MORN5: variants seen among roughly 807,000 people sequenced by gnomAD.
The protein encoded by MORN5 is MORN repeat-containing protein 5.
In MORN5, 21 loss-of-function variants were observed where a neutral mutation model predicts 22.1. The observed-to-expected ratio is 0.95, with a 90% confidence interval of 0.67 to 1.37. The LOEUF is 1.37. Ranked by LOEUF, MORN5 falls within the 40% of genes most tolerant of loss-of-function variation. The probability of loss-of-function intolerance (pLI) is 0.00; values close to 1 mark genes in which losing one functional copy is unlikely to be tolerated. For synonymous variants in MORN5, 73 were observed against 74.0 expected, an observed-to-expected ratio of 0.99 and a Z score of 0.07; for missense variants, 211 against 215.1, an observed-to-expected ratio of 0.98 and a Z score of 0.12.
intron 3 of MORN5, among the ~76,000 whole-genome samples, chr9:122,173,178 TCTC>T (rs1307116880): frequency 2.6e-5 from 4 of 152,056 alleles, no homozygotes; most frequent in African/African-American, 9.7e-5. Context: ...CTCCCCTACT[TCTC>T]CTGTGACCCT....
At chr9:122,199,539 G>A (rs575915970) in intron 4 of MORN5, among the ~76,000 whole-genome samples, 3 of 152,300 alleles carry the variant, frequency 2.0e-5, no homozygotes, top group African/African-American at 7.2e-5. Context: ...TAGACCCACT[G>A]TCCTGGGGCT....
Position 122,174,831 on chromosome 9 carries a change from A to AT in MORN5, c.439+206dup, listed in dbSNP as rs568423714. ...TAGTCCTAGAGTGAGGTAAAAGCAC[A>AT]TTCGTGGTCTAGCAGTGACGGCACA... On this transcript the variant is annotated intron_variant, in intron 4 of 4. Coordinates refer to ENST00000373764, the MANE Select transcript of MORN5 (RefSeq NM_198469.4). 298 of 1,405,990 alleles carry AT rather than the reference A, an allele frequency of 2.1e-4. No individual in the cohort carries two copies. In the East Asian group the frequency reaches 7.2e-3, roughly 34 times the overall value. 87.1% of individuals were successfully genotyped at this position (1,405,990 alleles called of 1,614,324 possible).
intron 4 of MORN5, among the ~76,000 whole-genome samples, chr9:122,192,129 A>G (rs1829782489): frequency 6.6e-6 from 1 of 152,210 alleles, no homozygotes; most frequent in South Asian, 2.1e-4. Flanking sequence ...AAAATCACCC[A>G]GCGAGTCGGT....
chr9:122,177,959 T>G (rs7032950), intron 4 of MORN5, among the ~76,000 whole-genome samples: 9,088 of 152,334 alleles, frequency 0.06, 468 homozygotes, highest in African/African-American at 0.13. Flanking sequence ...AGGTTATTCC[T>G]TGGCAGTTCT....
chr9:122,187,584 G>A (rs148118248), intron 4 of MORN5, among the ~76,000 whole-genome samples: 32 of 152,342 alleles, frequency 2.1e-4, no homozygotes, highest in Middle Eastern at 3.4e-3. Context: ...TGGGGTGGGT[G>A]TTCTCTGGAT....
At chr9:122,172,737 T>TAC (rs1460057680) in intron 3 of MORN5, among the ~76,000 whole-genome samples, 2 of 152,192 alleles carry the variant, frequency 1.3e-5, no homozygotes, top group Non-Finnish European at 2.9e-5. Context: ...TTGTCTGGCA[T>TAC]ACAGTGGGTA....
intron 1 of MORN5, chr9:122,164,635 T>C: frequency 1.0e-6 from 1 of 985,506 alleles, no homozygotes; most frequent in Non-Finnish European, 1.2e-6. Flanking sequence ...TGAACAGTGA[T>C]GTCCAGTTCA....
chr9:122,196,994 T>C (rs2118792153), intron 4 of MORN5, among the ~76,000 whole-genome samples: 1 of 152,356 alleles, frequency 6.6e-6, no homozygotes, highest in Non-Finnish European at 1.5e-5. Flanking sequence ...TAATTATTTG[T>C]TAAATGAATG....
chr9:122,163,945 G>A (rs575649983), intron 1 of MORN5, among the ~76,000 whole-genome samples: 1 of 152,106 alleles, frequency 6.6e-6, no homozygotes. Flanking sequence ...GTGCAGTGGT[G>A]CAGTCTTGGC....
intron 1 of MORN5, among the ~76,000 whole-genome samples, chr9:122,161,006 A>G (rs1829189374): frequency 1.3e-5 from 2 of 152,260 alleles, no homozygotes; most frequent in African/African-American, 4.8e-5. Context: ...GATAACTGCG[A>G]TTCAGTGTGG....
chr9:122,165,725 GC>G (rs1252138617), intron 1 of MORN5, among the ~76,000 whole-genome samples: 1 of 152,134 alleles, frequency 6.6e-6, no homozygotes, highest in East Asian at 1.9e-4. Flanking sequence ...TAGACTGTGA[GC>G]CCCCCGAGGA....
At chr9:122,184,157 C>A (rs1445868916) in intron 4 of MORN5, among the ~76,000 whole-genome samples, 4 of 152,172 alleles carry the variant, frequency 2.6e-5, no homozygotes, top group Non-Finnish European at 5.9e-5. Flanking sequence ...CCCTGTTTGA[C>A]AATGAGGAAA....
intron 3 of MORN5, among the ~76,000 whole-genome samples, chr9:122,171,163 T>G (rs909581890): frequency 6.6e-6 from 1 of 152,010 alleles, no homozygotes; most frequent in Non-Finnish European, 1.5e-5. Context: ...TGGGTTTGAG[T>G]CCTAGCATTC....
chr9:122,164,761 A>C, intron 1 of MORN5: 12 of 258,186 alleles, frequency 4.6e-5, no homozygotes, highest in Non-Finnish European at 7.3e-5. Flanking sequence ...GGGAAGGAGA[A>C]GAGGAATTCT....
chr9:122,175,314 G>C (rs1829434104), intron 4 of MORN5: 2 of 250,674 alleles, frequency 8.0e-6, no homozygotes, highest in South Asian at 3.0e-4. Context: ...GATCCCTTGA[G>C]GTGCAAGAAG....
At chr9:122,160,596 CTCTT>C (rs1302454055) in intron 1 of MORN5, among the ~76,000 whole-genome samples, 6 of 149,144 alleles carry the variant, frequency 4.0e-5, no homozygotes, top group African/African-American at 9.9e-5. Flanking sequence ...CTACCTTCCT[CTCTT>C]TCTTTCTTTC....
chr9:122,199,952 G>T lies in MORN5; in HGVS notation c.*21G>T. ...GCTAGGATGAGATCGTGGGTCACAG[G>T]CCCGAGCCGTGAACTCTGTGGCTGC... is the stretch of plus-strand genomic sequence containing the variant. On this transcript the variant is annotated 3_prime_UTR_variant, in exon 5 of 5. Transcript: ENST00000373764. The T allele has an allele frequency of 6.2e-7, 1 of 1,613,674 alleles. No individual in the cohort carries two copies. The highest frequency in any genetic ancestry group is 8.5e-7 in the Non-Finnish European group (1 of 1,179,648).
intron 4 of MORN5, among the ~76,000 whole-genome samples, chr9:122,193,177 A>C (rs1396010859): frequency 5.9e-5 from 9 of 152,182 alleles, no homozygotes; most frequent in Non-Finnish European, 1.2e-4. Flanking sequence ...CAGACAACTC[A>C]AAATTCACAC....
intron 3 of MORN5, among the ~76,000 whole-genome samples, chr9:122,172,130 T>A (rs1047837775): frequency 7.2e-6 from 1 of 138,804 alleles, no homozygotes; most frequent in Non-Finnish European, 1.5e-5. Context: ...CCTGGTTAAT[T>A]TTTTTTTTTT....
Sources: gnomAD v4.1 joint callset for allele counts (sites outside exome capture counted in the v4.1 genomes callset) on GRCh38, gnomAD v4.1.1 for gene constraint, MANE v1.5 for transcripts, NCBI Gene and HGNC (gene_info 2026-07-23, HGNC 2026-07-21) for gene names.